Variants in CELF2 observed in about 807,000 individuals in gnomAD.
The protein encoded by CELF2 is CUGBP Elav-like family member 2, also known as CUG triplet repeat RNA-binding protein 2.
CELF2 carries 8 observed loss-of-function variants against 62.6 expected under a neutral mutation model. The ratio of observed to expected loss-of-function variants is 0.13; its 90% CI spans 0.07 to 0.23. The LOEUF is 0.23. CELF2 is among the 10% of genes least tolerant of loss of function. CELF2 has a pLI of 1.00. For missense variants in CELF2, 333 were observed against 671.0 expected, an observed-to-expected ratio of 0.50 and a Z score of 5.56; for synonymous variants, 258 against 250.0, an observed-to-expected ratio of 1.03 and a Z score of -0.30.
chr10:10,634,475 C>T, the CELF2 span, among the ~76,000 whole-genome samples: 1 of 152,076 alleles, frequency 6.6e-6, no homozygotes, highest in Non-Finnish European at 1.5e-5. Context: ...AACACATCAG[C>T]TGCAGATATG....
chr10:11,254,035 T>C (rs1161463212), intron 4 of CELF2, among the ~76,000 whole-genome samples: 1 of 152,188 alleles, frequency 6.6e-6, no homozygotes, highest in Non-Finnish European at 1.5e-5. Flanking sequence ...GTGAGATACT[T>C]AGTGCCCGTG....
At chr10:10,628,599 G>A in the CELF2 span, among the ~76,000 whole-genome samples, 13 of 152,286 alleles carry the variant, frequency 8.5e-5, no homozygotes, top group Admixed American at 2.6e-4. Context: ...CTTCATCCAT[G>A]TCCCTACAAA....
At chr10:10,627,458 G>A in the CELF2 span, among the ~76,000 whole-genome samples, 168 of 152,334 alleles carry the variant, frequency 1.1e-3, no homozygotes, top group African/African-American at 3.9e-3. Flanking sequence ...GACTTCAGGA[G>A]TTCACCTCTC....
At chr10:10,690,983 G>A in the CELF2 span, among the ~76,000 whole-genome samples, 146 of 151,354 alleles carry the variant, frequency 9.6e-4, no homozygotes, top group African/African-American at 3.1e-3. Flanking sequence ...AAGGGAAATC[G>A]CCATATTCCT....
At chr10:10,639,453 T>C in the CELF2 span, among the ~76,000 whole-genome samples, 2 of 152,184 alleles carry the variant, frequency 1.3e-5, no homozygotes, top group Non-Finnish European at 2.9e-5. Flanking sequence ...AACAAGTAAA[T>C]TTTATAAACG....
chr10:10,716,549 G>A, the CELF2 span, among the ~76,000 whole-genome samples: 1 of 151,726 alleles, frequency 6.6e-6, no homozygotes, highest in African/African-American at 2.4e-5. Flanking sequence ...TCAAAAAGGG[G>A]AAAAAAAATC....
chr10:10,584,220 T>C, the CELF2 span, among the ~76,000 whole-genome samples: 1 of 152,196 alleles, frequency 6.6e-6, no homozygotes, highest in African/African-American at 2.4e-5. Context: ...AGGAGCTTAA[T>C]TGAGCAATGA....
chr10:11,027,168 G>A (rs746519615), intron 1 of CELF2, among the ~76,000 whole-genome samples: 1 of 152,186 alleles, frequency 6.6e-6, no homozygotes, highest in Non-Finnish European at 1.5e-5. Flanking sequence ...CCTTTGAGAA[G>A]CCTGAATGCT....
chr10:10,788,654 G>T, the CELF2 span, among the ~76,000 whole-genome samples: 2 of 151,624 alleles, frequency 1.3e-5, no homozygotes, highest in Admixed American at 6.6e-5. Flanking sequence ...GTACAGATGG[G>T]GTTTCGCCAC....
the CELF2 span, among the ~76,000 whole-genome samples, chr10:10,771,442 G>A: frequency 6.6e-6 from 1 of 152,320 alleles, no homozygotes; most frequent in African/African-American, 2.4e-5. Context: ...CCCTGTCCCT[G>A]ATTCTGGTTT....
chr10:10,989,968 C>A (rs769843243), intron 2 of CELF2, among the ~76,000 whole-genome samples: 1 of 152,040 alleles, frequency 6.6e-6, no homozygotes, highest in Non-Finnish European at 1.5e-5. Context: ...TAACAGTACA[C>A]TTGAGAATAG....
At chr10:10,697,415 T>A in the CELF2 span, among the ~76,000 whole-genome samples, 8 of 152,258 alleles carry the variant, frequency 5.3e-5, no homozygotes, top group South Asian at 1.7e-3. Context: ...TTAAGGCCAG[T>A]GTGCAAATTG....
At chr10:11,241,814 G>A (rs2136936032) in intron 3 of CELF2, among the ~76,000 whole-genome samples, 1 of 152,216 alleles carries the variant, frequency 6.6e-6, no homozygotes, top group South Asian at 2.1e-4. Context: ...CTCGTGGTGG[G>A]GCATGCTGTC....
intron 5 of CELF2, among the ~76,000 whole-genome samples, chr10:11,265,408 C>T (rs1047610647): frequency 6.6e-6 from 1 of 152,202 alleles, no homozygotes; most frequent in Admixed American, 6.5e-5. Flanking sequence ...AAATTATTCT[C>T]TGATACCTAA....
the CELF2 span, among the ~76,000 whole-genome samples, chr10:10,765,049 A>C: frequency 6.6e-6 from 1 of 152,214 alleles, no homozygotes; most frequent in African/African-American, 2.4e-5. Flanking sequence ...GCAGGCTACT[A>C]GTACCACCTT....
the CELF2 span, among the ~76,000 whole-genome samples, chr10:10,683,418 G>A: frequency 1.8e-3 from 277 of 152,124 alleles, 2 homozygotes; most frequent in Non-Finnish European, 3.5e-3. Flanking sequence ...TTTTCCATTC[G>A]TTTCAATACG....
In CELF2 at chr10:11,319,646, A is replaced by C; in HGVS notation, c.1097-1543A>C. 1 of 410,064 alleles carries C rather than the reference A, an allele frequency of 2.4e-6. No individual in the cohort carries two copies. The highest frequency in any genetic ancestry group is 1.9e-5 in the South Asian group (1 of 53,960). The allele number at this position is 410,064 out of a possible 1,614,324, so 25.4% of individuals were successfully genotyped here. On this transcript the variant is annotated intron_variant, in intron 10 of 12. Transcript: ENST00000633077. The surrounding 1 kb of genome is among the most constrained non-coding windows in gnomAD (Gnocchi z 4.4). ...GGCAACACCTCTGAACTGAGCCTGC[A>C]CTCAGGAGGCTGCCACTCCATTCTC...
At chr10:10,685,829 C>T in the CELF2 span, among the ~76,000 whole-genome samples, 7 of 152,184 alleles carry the variant, frequency 4.6e-5, no homozygotes, top group South Asian at 6.2e-4. Flanking sequence ...GACTGTTAGT[C>T]GGGGGAAGCT....
In CELF2 at chr10:10,990,262, TATATC is replaced by T. The variant is rs1333386580; in HGVS notation, c.89+70266_89+70270del. 6.6e-6 allele frequency among the ~76,000 whole-genome samples: 1 copy of T among 152,048 alleles called. No individual in the cohort carries two copies. The highest frequency in any genetic ancestry group is 1.9e-4 in the East Asian group (1 of 5,190). On this transcript the variant is annotated intron_variant, in intron 2 of 13. Transcript: ENST00000636488. The surrounding 1 kb of genome is among the most constrained non-coding windows in gnomAD (Gnocchi z 4.6). The stretch of plus-strand genomic sequence containing the variant: ...TTTCAACGTCATTATGTGGGAAAAA[TATATC>T]ATGTTGTATAAAAAGGATTAAAAAT...
Sources: allele counts gnomAD v4.1 joint callset (sites outside exome capture counted in the v4.1 genomes callset), GRCh38; gene constraint gnomAD v4.1.1; non-coding constraint Gnocchi (gnomAD v3.1); transcripts MANE v1.5; gene names NCBI Gene and HGNC (gene_info 2026-07-23, HGNC 2026-07-21).